The following GALNT17 variants were observed in gnomAD, a reference collection of about 807,000 sequenced individuals.
The protein encoded by GALNT17 is UDP-GalNAc:polypeptide N-acetylgalactosaminyltransferase-like 3.
Under a neutral mutation model 63.7 loss-of-function variants are expected in GALNT17, and 29 were observed. That is an observed-to-expected ratio of 0.46 (90% confidence interval 0.34 to 0.62). GALNT17 has a LOEUF of 0.62. Ranked by LOEUF, GALNT17 falls within the 20% of genes least tolerant of loss-of-function variation. The probability of loss-of-function intolerance (pLI) is 0.01; values close to 1 mark genes in which losing one functional copy is unlikely to be tolerated. For synonymous variants in GALNT17, 305 were observed against 318.3 expected, an observed-to-expected ratio of 0.96 and a Z score of 0.45; for missense variants, 603 against 799.6, an observed-to-expected ratio of 0.75 and a Z score of 2.97.
chr7:71,369,811 CAAAAAAA>C (rs763387719), intron 2 of GALNT17, among the ~76,000 whole-genome samples: 1,271 of 72,162 alleles, frequency 0.018, 24 homozygotes, highest in African/African-American at 0.052. Context: ...GGCTTTTTGT[CAAAAAAA>C]AAAAAAAAAA....
chr7:71,219,425 A>T lies in GALNT17; in HGVS notation c.238+86385A>T, dbSNP rs574903842. Among the ~76,000 whole-genome samples, 20 of 151,980 alleles carry T rather than the reference A, an allele frequency of 1.3e-4. No homozygotes were observed. In the East Asian group the frequency reaches 3.7e-3, roughly 28 times the overall value. ...CTTTGTTTCCTCTGCCATCTCTGTTATCTCTTTCTGGAATGCTTCTGTGTC... is the reference window on the plus strand; with the variant it reads ...CTTTGTTTCCTCTGCCATCTCTGTTTTCTCTTTCTGGAATGCTTCTGTGTC... On this transcript the variant is annotated intron_variant, in intron 1 of 10. Coordinates refer to ENST00000333538, the MANE Select transcript of GALNT17 (RefSeq NM_022479.3).
At chr7:71,392,175 A>G (rs1461962210) in intron 3 of GALNT17, among the ~76,000 whole-genome samples, 1 of 152,182 alleles carries the variant, frequency 6.6e-6, no homozygotes, top group Admixed American at 6.5e-5. Flanking sequence ...GCAGACCCTG[A>G]AATAAACATC....
chr7:71,671,174 C>T (rs893524607), intron 8 of GALNT17, among the ~76,000 whole-genome samples: 1 of 152,108 alleles, frequency 6.6e-6, no homozygotes. Context: ...CTGAGAACAT[C>T]TTCATATAGA....
chr7:71,420,310 A>C (rs1238679084), intron 4 of GALNT17, among the ~76,000 whole-genome samples: 2 of 152,200 alleles, frequency 1.3e-5, no homozygotes, highest in African/African-American at 4.8e-5. Context: ...ATTAGTTTCC[A>C]GTCTCCTATT....
intron 1 of GALNT17, among the ~76,000 whole-genome samples, chr7:71,216,167 A>C (rs1305907374): frequency 6.6e-6 from 1 of 152,140 alleles, no homozygotes; most frequent in Non-Finnish European, 1.5e-5. Flanking sequence ...CAGTGAGCCA[A>C]GATCGCACCA....
chr7:71,503,271 C>T (rs1379534489), intron 5 of GALNT17, among the ~76,000 whole-genome samples: 1 of 152,152 alleles, frequency 6.6e-6, no homozygotes, highest in Non-Finnish European at 1.5e-5. Flanking sequence ...GCCAGGGTCT[C>T]GCTCTGTCAC....
intron 3 of GALNT17, among the ~76,000 whole-genome samples, chr7:71,411,998 T>C (rs1436955261): frequency 2.6e-5 from 4 of 152,214 alleles, no homozygotes. Context: ...TGTAAAGTGC[T>C]GGACTCTGTT....
At chr7:71,597,472 C>A (rs1232795143) in intron 6 of GALNT17, among the ~76,000 whole-genome samples, 3 of 152,064 alleles carry the variant, frequency 2.0e-5, no homozygotes, top group Non-Finnish European at 2.9e-5. Context: ...TGTGCTACTG[C>A]ACTCCAGCCT....
chr7:71,649,779 G>T (rs1413073393), intron 6 of GALNT17, among the ~76,000 whole-genome samples: 1 of 152,202 alleles, frequency 6.6e-6, no homozygotes, highest in African/African-American at 2.4e-5. Flanking sequence ...GTGGATTAAA[G>T]TGCACCTGTG....
chr7:71,703,437 T>A (rs902160655), intron 9 of GALNT17, among the ~76,000 whole-genome samples: 1 of 152,160 alleles, frequency 6.6e-6, no homozygotes, highest in African/African-American at 2.4e-5. Context: ...AGATCTTGCA[T>A]TAACTAACTA....
At chr7:71,141,391 A>C (rs983978811) in intron 1 of GALNT17, among the ~76,000 whole-genome samples, 2 of 151,162 alleles carry the variant, frequency 1.3e-5, no homozygotes, top group African/African-American at 4.9e-5. Flanking sequence ...AAAGAAAAGA[A>C]AAAAAAAAGA....
At chr7:71,245,250 A>G (rs1490833197) in intron 1 of GALNT17, among the ~76,000 whole-genome samples, 1 of 152,190 alleles carries the variant, frequency 6.6e-6, no homozygotes, top group Non-Finnish European at 1.5e-5. Flanking sequence ...AACCCCACAC[A>G]TGATCTATAC....
intron 5 of GALNT17, among the ~76,000 whole-genome samples, chr7:71,542,399 G>GTCAC (rs1382751346): frequency 6.6e-6 from 1 of 151,934 alleles, no homozygotes; most frequent in Admixed American, 6.6e-5. Context: ...TCTAGGAGAA[G>GTCAC]TCACTCTTCA....
chr7:71,219,363 CA>C (rs1416613444), intron 1 of GALNT17, among the ~76,000 whole-genome samples: 1 of 152,160 alleles, frequency 6.6e-6, no homozygotes. Context: ...TTTACTTTCT[CA>C]GAATCTTTGG....
At chr7:71,162,123 CCCTT>C (rs527578764) in intron 1 of GALNT17, among the ~76,000 whole-genome samples, 1,773 of 53,700 alleles carry the variant, frequency 0.033, 31 homozygotes, top group Middle Eastern at 0.074. Flanking sequence ...CTCCCTCCCT[CCCTT>C]CCTTCCTTCC....
intron 5 of GALNT17, among the ~76,000 whole-genome samples, chr7:71,487,766 G>C (rs1230665678): frequency 1.3e-5 from 2 of 152,142 alleles, no homozygotes; most frequent in African/African-American, 4.8e-5. Flanking sequence ...CCTAATAGTA[G>C]TGATAACAGG....
intron 5 of GALNT17, among the ~76,000 whole-genome samples, chr7:71,463,182 T>G (rs1170161326): frequency 2.0e-5 from 3 of 152,176 alleles, no homozygotes; most frequent in Non-Finnish European, 2.9e-5. Flanking sequence ...CATTCCTCTG[T>G]GAGGGTCTTA....
At chr7:71,613,711 T>C (rs1468860251) in intron 6 of GALNT17, among the ~76,000 whole-genome samples, 1 of 151,966 alleles carries the variant, frequency 6.6e-6, no homozygotes, top group Non-Finnish European at 1.5e-5. Context: ...CCCAGCACTT[T>C]GGGAGGCTGA....
At chr7:71,402,277 G>C (rs369428055) in intron 3 of GALNT17, among the ~76,000 whole-genome samples, 6 of 152,142 alleles carry the variant, frequency 3.9e-5, no homozygotes, top group African/African-American at 1.4e-4. Context: ...ATCCACACTG[G>C]GAAACCATAC....
Sources: allele counts gnomAD v4.1 joint callset (sites outside exome capture counted in the v4.1 genomes callset), GRCh38; gene constraint gnomAD v4.1.1; transcripts MANE v1.5; gene names NCBI Gene and HGNC (gene_info 2026-07-23, HGNC 2026-07-21).